TMEM131: variants seen among roughly 807,000 people sequenced by gnomAD.
TMEM131 encodes the protein 2610524E03Rik.
TMEM131 carries 66 observed loss-of-function variants against 211.6 expected under a neutral mutation model. The ratio of observed to expected loss-of-function variants is 0.31; its 90% CI spans 0.26 to 0.38. The LOEUF (loss-of-function observed/expected upper bound fraction) is 0.38. Among genes scored for constraint, TMEM131 ranks in the 10% least tolerant of loss-of-function variants. The probability of loss-of-function intolerance (pLI) is 1.00; values close to 1 mark genes in which losing one functional copy is unlikely to be tolerated. For synonymous variants in TMEM131, 844 were observed against 841.3 expected (o/e 1.00, Z -0.06); for missense variants, 2,036 against 2,299.3 (o/e 0.89, Z 2.34).
intron 11 of TMEM131, among the ~76,000 whole-genome samples, chr2:97,824,964 C>T (rs1023573637): frequency 7.9e-5 from 12 of 152,166 alleles, no homozygotes; most frequent in Admixed American, 1.3e-4. Context: ...GTACCCAACC[C>T]CTATACCCTG....
chr2:97,837,480 C>G (rs899337140), intron 7 of TMEM131, among the ~76,000 whole-genome samples: 1 of 152,104 alleles, frequency 6.6e-6, no homozygotes, highest in Non-Finnish European at 1.5e-5. Flanking sequence ...CAAAAATTAC[C>G]AAGTTTTGGA....
chr2:97,831,060 T>G (rs1321706222), intron 11 of TMEM131, among the ~76,000 whole-genome samples: 1 of 152,186 alleles, frequency 6.6e-6, no homozygotes, highest in African/African-American at 2.4e-5. Flanking sequence ...GTTTCCACGG[T>G]AGGTGGGCTT....
intron 31 of TMEM131, among the ~76,000 whole-genome samples, chr2:97,788,540 T>C (rs1025027478): frequency 2.0e-5 from 3 of 152,216 alleles, no homozygotes; most frequent in Non-Finnish European, 2.9e-5. Flanking sequence ...ACCTGCGGAC[T>C]GTCCATCCTT....
chr2:97,827,275 G>T, intron 11 of TMEM131: 2 of 782,358 alleles, frequency 2.6e-6, no homozygotes, highest in Admixed American at 3.4e-5. Flanking sequence ...CAGCTCCGCT[G>T]AAGCCGCTGC....
chr2:97,774,498 G>A (rs1193730165), intron 32 of TMEM131, among the ~76,000 whole-genome samples: 1 of 152,228 alleles, frequency 6.6e-6, no homozygotes, highest in Non-Finnish European at 1.5e-5. Flanking sequence ...ACTCGTTGGA[G>A]GGGACAGGGT....
chr2:97,883,732 AAATAT>A (rs1262670863), intron 4 of TMEM131, among the ~76,000 whole-genome samples: 43 of 152,352 alleles, frequency 2.8e-4, no homozygotes, highest in African/African-American at 8.9e-4. Flanking sequence ...TGAATTTAAC[AAATAT>A]AATATACCCA....
chr2:97,971,203 T>G (rs1679279662), intron 1 of TMEM131, among the ~76,000 whole-genome samples: 1 of 152,054 alleles, frequency 6.6e-6, no homozygotes, highest in Non-Finnish European at 1.5e-5. Context: ...GGGCACTGGG[T>G]AAAGGTCAGG....
chr2:97,923,568 G>A (rs573386369), intron 2 of TMEM131, among the ~76,000 whole-genome samples: 204 of 142,742 alleles, frequency 1.4e-3, no homozygotes, highest in Non-Finnish European at 2.3e-3. Context: ...ACAACAGTGA[G>A]CCATGATTGT....
At position 97,951,431 on chromosome 2, in the gene TMEM131, A is replaced by G. The variant is rs150486854; in HGVS notation, c.188-23944T>C. Among the ~76,000 whole-genome samples, 277 of 152,216 alleles carry G rather than the reference A, an allele frequency of 1.8e-3. 1 individual carries two copies. Among genetic ancestry groups the G allele is most frequent in the African/African-American group, 6.3e-3 (261 of 41,514 alleles). ...GGGGACTGCCAGACCTGAGGGGTGAATAAGAGCATTTCCCGTGGCTTGTTC... is the reference window on the plus strand; with the variant it reads ...GGGGACTGCCAGACCTGAGGGGTGAGTAAGAGCATTTCCCGTGGCTTGTTC... On this transcript the variant is annotated intron_variant, in intron 1 of 40. Coordinates refer to ENST00000186436, the MANE Select transcript of TMEM131 (RefSeq NM_015348.2).
rs570892524 is a variant in TMEM131 at position 97,813,113 on chromosome 2, G to A, written c.1618-364C>T. Among the ~76,000 whole-genome samples the A allele has an allele frequency of 2.0e-5, 3 of 152,254 alleles. No individual in the cohort carries two copies. In the East Asian group the frequency reaches 5.8e-4, roughly 29 times the overall value. Reference sequence around the variant, plus strand: ...GAAAGTCTTTTGAGTAATCAGAAATGAAAACAGCCATGGCTTCTGCTGAGT... The same window carrying A: ...GAAAGTCTTTTGAGTAATCAGAAATAAAAACAGCCATGGCTTCTGCTGAGT... On this transcript the variant is annotated intron_variant, in intron 15 of 40. Coordinates refer to ENST00000186436, the MANE Select transcript of TMEM131 (RefSeq NM_015348.2).
intron 4 of TMEM131, among the ~76,000 whole-genome samples, chr2:97,872,297 T>G (rs1299420237): frequency 6.6e-6 from 1 of 152,088 alleles, no homozygotes; most frequent in Non-Finnish European, 1.5e-5. Flanking sequence ...AGACTCTAAC[T>G]CCATTTTTGA....
intron 4 of TMEM131, among the ~76,000 whole-genome samples, chr2:97,877,629 G>T (rs926885369): frequency 2.6e-5 from 4 of 152,180 alleles, no homozygotes; most frequent in Non-Finnish European, 5.9e-5. Context: ...TTAATAAATG[G>T]TGTTGGGAAA....
intron 11 of TMEM131, among the ~76,000 whole-genome samples, chr2:97,824,836 A>G (rs1358935098): frequency 1.3e-5 from 2 of 152,270 alleles, no homozygotes; most frequent in Non-Finnish European, 2.9e-5. Context: ...AAGGAAATGC[A>G]GCAGTCCCTG....
intron 40 of TMEM131, among the ~76,000 whole-genome samples, chr2:97,757,775 G>A (rs1364544226): frequency 1.3e-5 from 2 of 152,222 alleles, no homozygotes; most frequent in Non-Finnish European, 2.9e-5. Flanking sequence ...AGTTGTATTG[G>A]AACACAGCTG....
At chr2:97,926,537 T>C (rs1386945827) in intron 2 of TMEM131, among the ~76,000 whole-genome samples, 1 of 152,210 alleles carries the variant, frequency 6.6e-6, no homozygotes, top group Non-Finnish European at 1.5e-5. Context: ...TATTAGACAT[T>C]CTGTAGGAGT....
Position 97,849,452 on chromosome 2 carries a change from G to C in TMEM131, c.484-5191C>G, listed in dbSNP as rs369606678. ...ATGAAATGCATTATGCTAAAAGAAAGAAGCCAGACTAAAAATGCTATATGC... is the reference window on the plus strand; with the variant it reads ...ATGAAATGCATTATGCTAAAAGAAACAAGCCAGACTAAAAATGCTATATGC... On this transcript the variant is annotated intron_variant, in intron 5 of 40. Coordinates refer to ENST00000186436, the MANE Select transcript of TMEM131 (RefSeq NM_015348.2). 1.3e-4 allele frequency among the ~76,000 whole-genome samples: 20 copies of C among 152,150 alleles called. No individual in the cohort carries two copies. The East Asian group carries it at 1.5e-3, about 12-fold the overall frequency.
intron 1 of TMEM131, among the ~76,000 whole-genome samples, chr2:97,939,757 C>T (rs530024591): frequency 2.6e-5 from 4 of 152,268 alleles, no homozygotes; most frequent in South Asian, 2.1e-4. Context: ...TGATGAACAT[C>T]GATGCAAAAT....
intron 11 of TMEM131, among the ~76,000 whole-genome samples, chr2:97,825,309 A>G (rs1053006429): frequency 2.6e-5 from 4 of 152,208 alleles, no homozygotes; most frequent in Admixed American, 2.0e-4. Flanking sequence ...AATCAAGGGT[A>G]CAAGGCATCT....
intron 8 of TMEM131, among the ~76,000 whole-genome samples, chr2:97,836,352 T>C (rs1412610906): frequency 6.6e-6 from 1 of 152,218 alleles, no homozygotes; most frequent in African/African-American, 2.4e-5. Flanking sequence ...CAAACCTTAC[T>C]CCTGGTTGTA....
Sources: allele counts gnomAD v4.1 joint callset (sites outside exome capture counted in the v4.1 genomes callset), GRCh38; gene constraint gnomAD v4.1.1; transcripts MANE v1.5; gene names NCBI Gene and HGNC (gene_info 2026-07-23, HGNC 2026-07-21).